CDHR3: variants seen among roughly 807,000 people sequenced by gnomAD.
CDHR3 encodes the protein cadherin related family member 3.
A neutral mutation model predicts 86.6 loss-of-function variants in CDHR3; 79 were observed. That is an observed-to-expected ratio of 0.91 (90% CI 0.76 to 1.10). The LOEUF is 1.10. Among genes scored for constraint, CDHR3 ranks in the 50% least tolerant of loss-of-function variants. CDHR3 has a pLI of 0.00. For missense variants in CDHR3, 1,081 were observed against 1,077.6 expected (o/e 1.00, Z -0.04); for synonymous variants, 421 against 402.4 (o/e 1.05, Z -0.55).
At chr7:106,028,998 A>T (rs868764740) in intron 17 of CDHR3, among the ~76,000 whole-genome samples, 2 of 64,544 alleles carry the variant, frequency 3.1e-5, no homozygotes, top group African/African-American at 1.2e-4. Flanking sequence ...CTTTCTTTTT[A>T]AGACACAGTT....
In CDHR3 at chr7:106,028,577, G is replaced by A. The variant is rs1837732760; in HGVS notation, c.2299G>A (p.Val767Met). 15 of 1,613,858 alleles carry A rather than the reference G, an allele frequency of 9.3e-6. No individual in the cohort carries two copies. The highest frequency in any genetic ancestry group is 1.6e-4 in the Middle Eastern group (1 of 6,080). Residue 767 changes from valine (V) to methionine (M), a missense_variant, in exon 17 of 19, where the codon GTG becomes ATG. Val to Met is a conservative substitution (Grantham distance 21, BLOSUM62 1). Coordinates refer to ENST00000317716, the MANE Select transcript of CDHR3 (RefSeq NM_152750.5). ...GETKTAERDVVVETIQMNTIF... is the reference protein window; with the variant it reads ...GETKTAERDVMVETIQMNTIF... ...AACGAAGACTGCAGAGAGAGACGTC[G>A]TGGTGGTGAGTATGGGCAGTGTGGG...
chr7:106,017,056 T>C (rs1186908432), intron 11 of CDHR3, among the ~76,000 whole-genome samples: 2 of 152,200 alleles, frequency 1.3e-5, no homozygotes, highest in Non-Finnish European at 2.9e-5. Flanking sequence ...TGGAAGAGGA[T>C]TTAAAAATCT....
rs543152859 is a variant in CDHR3 at position 106,027,009 on chromosome 7, G to A, written c.2272+314G>A. On this transcript the variant is annotated intron_variant, in intron 16 of 18. Coordinates refer to ENST00000317716, the MANE Select transcript of CDHR3 (RefSeq NM_152750.5). ...ATGGCACAGGAAGAAAGAACTCTCC[G>A]TGTGTTAAATGTAGACAGGACCTGC... is the stretch of plus-strand genomic sequence containing the variant. 7.2e-5 allele frequency among the ~76,000 whole-genome samples: 11 copies of A among 152,318 alleles called. 1 individual carries two copies. The highest frequency in any genetic ancestry group is 6.8e-3 in the Middle Eastern group (2 of 294).
At position 106,028,589 on chromosome 7, in the gene CDHR3, AT is replaced by A. The variant is rs1228738196; in HGVS notation, c.2304+8del. The A allele has an allele frequency of 6.2e-7, 1 of 1,613,766 alleles. No individual in the cohort carries two copies. The highest frequency in any genetic ancestry group is 1.6e-4 in the Middle Eastern group (1 of 6,066). On this transcript the variant is annotated splice_region_variant and intron_variant, in intron 17 of 18. Transcript: ENST00000317716. ...AGAGAGAGACGTCGTGGTGGTGAGTATGGGCAGTGTGGGGCACCAGGCATAG... is the reference window on the plus strand; with the variant it reads ...AGAGAGAGACGTCGTGGTGGTGAGTAGGGCAGTGTGGGGCACCAGGCATAG...
intron 14 of CDHR3, among the ~76,000 whole-genome samples, chr7:106,022,993 T>C (rs1836803864): frequency 1.3e-5 from 2 of 152,216 alleles, no homozygotes; most frequent in African/African-American, 4.8e-5. Context: ...TGCCAGTCAC[T>C]TTAGCAAACA....
At chr7:105,978,610 A>G (rs1387659638) in intron 2 of CDHR3, among the ~76,000 whole-genome samples, 1 of 152,086 alleles carries the variant, frequency 6.6e-6, no homozygotes, top group Non-Finnish European at 1.5e-5. Context: ...TAAATGTGAA[A>G]TGGAGGAAGT....
At chr7:105,999,327 A>G (rs7793395) in intron 6 of CDHR3, among the ~76,000 whole-genome samples, 71,243 of 151,844 alleles carry the variant, frequency 0.47, 17,161 homozygotes, top group African/African-American at 0.57. Flanking sequence ...GAGGAGCTGC[A>G]TCGTGGCCAG....
intron 10 of CDHR3, 91 bp from the exon 11 acceptor site, chr7:106,015,836 G>A (rs531333527): frequency 1.0e-6 from 1 of 960,730 alleles, no homozygotes; most frequent in Admixed American, 2.0e-5. Context: ...TATGCGCAAA[G>A]CCTGTACACA....
At chr7:105,966,621 C>A (rs1826972756) in intron 1 of CDHR3, among the ~76,000 whole-genome samples, 1 of 152,180 alleles carries the variant, frequency 6.6e-6, no homozygotes. Flanking sequence ...TGTATCAGGC[C>A]CAAAGAGTGT....
intron 1 of CDHR3, among the ~76,000 whole-genome samples, chr7:105,965,568 C>CCT (rs1554507722): frequency 7.5e-5 from 2 of 26,812 alleles, no homozygotes; most frequent in Non-Finnish European, 2.0e-4. Flanking sequence ...TCAAGCCCCA[C>CCT]CCCCCCCCAT....
chr7:105,968,978 C>G (rs1465714297), intron 1 of CDHR3, among the ~76,000 whole-genome samples: 2 of 151,474 alleles, frequency 1.3e-5, no homozygotes, highest in African/African-American at 2.4e-5. Context: ...GTCCCAGCTA[C>G]TAGGGAGGCT....
At chr7:106,032,351 A>G (rs773795384) in intron 18 of CDHR3, 42 bp from the exon 19 acceptor site, 2 of 1,552,120 alleles carry the variant, frequency 1.3e-6, no homozygotes, top group Middle Eastern at 1.7e-4. Context: ...CAGTCATTGG[A>G]ATTTTCTGGC....
intron 1 of CDHR3, among the ~76,000 whole-genome samples, chr7:105,969,059 G>C (rs941237991): frequency 1.3e-5 from 2 of 151,218 alleles, no homozygotes; most frequent in Admixed American, 6.6e-5. Context: ...CTGCACTCCA[G>C]CCCGGGGGAC....
intron 10 of CDHR3, 67 bp downstream of exon 10, chr7:106,015,280 C>T (rs921720987): frequency 8.1e-6 from 11 of 1,360,684 alleles, no homozygotes; most frequent in Admixed American, 3.9e-5. Context: ...CTCTGCTGGG[C>T]AATACTAGGT....
chr7:106,015,246 CTT>C, intron 10 of CDHR3, 33 bp downstream of exon 10: 1 of 1,547,304 alleles, frequency 6.5e-7, no homozygotes. Flanking sequence ...TCATGATTGT[CTT>C]TCTTGAGTAT....
intron 2 of CDHR3, 90 bp from the exon 3 acceptor site, chr7:105,980,878 T>TC (rs1829633071): frequency 8.1e-7 from 1 of 1,239,312 alleles, no homozygotes; most frequent in Non-Finnish European, 1.1e-6. Flanking sequence ...GCCAGATGCT[T>TC]CCTTCCTAGG....
intron 15 of CDHR3, among the ~76,000 whole-genome samples, chr7:106,026,414 A>G (rs1007112438): frequency 6.6e-6 from 1 of 152,186 alleles, no homozygotes. Flanking sequence ...ATCAGAAACA[A>G]TGTATTCCCT....
At chr7:106,000,924 G>C (rs1402362574) in intron 6 of CDHR3, among the ~76,000 whole-genome samples, 1 of 64,532 alleles carries the variant, frequency 1.5e-5, no homozygotes, top group Non-Finnish European at 4.0e-5. Flanking sequence ...AAAAGACAAG[G>C]AAGAAAAAAA....
At chr7:106,019,663 T>C (rs1836245057) in intron 12 of CDHR3, among the ~76,000 whole-genome samples, 1 of 152,200 alleles carries the variant, frequency 6.6e-6, no homozygotes, top group African/African-American at 2.4e-5. Context: ...TGAAAGAGAA[T>C]AGGCTGGCCC....
Sources: gnomAD v4.1 joint callset for allele counts (sites outside exome capture counted in the v4.1 genomes callset) on GRCh38, gnomAD v4.1.1 for gene constraint, MANE v1.5 for transcripts, NCBI Gene and HGNC (gene_info 2026-07-23, HGNC 2026-07-21) for gene names.